The following WWOX variants were observed in gnomAD, a reference collection of about 807,000 sequenced individuals.
WWOX encodes WW domain-containing oxidoreductase.
Under a neutral mutation model 46.2 loss-of-function variants are expected in WWOX, and 69 were observed. The observed-to-expected ratio is 1.49, with a 90% CI of 1.23 to 1.82. The LOEUF (loss-of-function observed/expected upper bound fraction) is 1.82, where lower values mean the gene tolerates loss of function less well. Among genes scored for constraint, WWOX ranks in the 40% most tolerant of loss-of-function variants. The probability of loss-of-function intolerance (pLI) is 0.00; values close to 1 mark genes in which losing one functional copy is unlikely to be tolerated. For missense variants in WWOX, 919 were observed against 542.6 expected, an observed-to-expected ratio of 1.69 and a Z score of -6.89; for synonymous variants, 359 against 202.6, an observed-to-expected ratio of 1.77 and a Z score of -6.56.
At chr16:78,922,398 AG>A in intron 8 of WWOX, among the ~76,000 whole-genome samples, 1 of 124,886 alleles carries the variant, frequency 8.0e-6, no homozygotes, top group Admixed American at 8.5e-5. Flanking sequence ...TTTTTTTTTG[AG>A]ACAGTCTCTC....
rs545587947 is a variant in WWOX at position 78,197,834 on chromosome 16, C to G, written c.516+33545C>G. Among the ~76,000 whole-genome samples, 19 of 152,272 alleles carry G rather than the reference C, an allele frequency of 1.2e-4. 1 individual carries two copies. The South Asian group carries it at 2.7e-3, about 22-fold the overall frequency. Reference sequence around the variant, plus strand: ...CTTGCCCGAGGCCACGCTGCTGATACCTTGGCAGAAGCAGAATTTGAAAAC... The same window carrying G: ...CTTGCCCGAGGCCACGCTGCTGATAGCTTGGCAGAAGCAGAATTTGAAAAC... On this transcript the variant is annotated intron_variant, in intron 5 of 8. Coordinates refer to ENST00000566780, the MANE Select transcript of WWOX (RefSeq NM_016373.4).
At chr16:78,604,084 C>T (rs2045687681) in intron 8 of WWOX, among the ~76,000 whole-genome samples, 1 of 152,146 alleles carries the variant, frequency 6.6e-6, no homozygotes, top group African/African-American at 2.4e-5. Flanking sequence ...GTGGAGGCTG[C>T]AGTGAGCTGT....
At chr16:78,580,569 A>G (rs555642847) in intron 8 of WWOX, among the ~76,000 whole-genome samples, 1 of 152,354 alleles carries the variant, frequency 6.6e-6, no homozygotes, top group Non-Finnish European at 1.5e-5. Flanking sequence ...AGACACAGAA[A>G]GGATTTCTTT....
chr16:78,549,413 T>C (rs2044123898), intron 8 of WWOX, among the ~76,000 whole-genome samples: 1 of 152,224 alleles, frequency 6.6e-6, no homozygotes, highest in African/African-American at 2.4e-5. Flanking sequence ...TTTTATATTA[T>C]TCATGGTAAT....
At chr16:79,208,119 C>T (rs1254442073) in intron 8 of WWOX, among the ~76,000 whole-genome samples, 1 of 152,076 alleles carries the variant, frequency 6.6e-6, no homozygotes. Context: ...ACTCTTAATC[C>T]CAAACAAGAG....
intron 8 of WWOX, among the ~76,000 whole-genome samples, chr16:79,176,721 C>T (rs1026412431): frequency 6.6e-6 from 1 of 152,022 alleles, no homozygotes; most frequent in African/African-American, 2.4e-5. Flanking sequence ...ACACCGAGGG[C>T]TTTAAGGAGG....
intron 5 of WWOX, among the ~76,000 whole-genome samples, chr16:78,213,072 G>C (rs201307037): frequency 1.3e-5 from 2 of 151,850 alleles, no homozygotes; most frequent in Non-Finnish European, 2.9e-5. Context: ...GGCCAATATG[G>C]TGAAACTCCA....
intron 8 of WWOX, among the ~76,000 whole-genome samples, chr16:78,804,515 A>T (rs376565824): frequency 1.3e-5 from 2 of 152,316 alleles, no homozygotes; most frequent in African/African-American, 4.8e-5. Context: ...CGAAGCGCAT[A>T]TGTTCTGCGT....
At chr16:78,680,568 C>T (rs1402537860) in intron 8 of WWOX, among the ~76,000 whole-genome samples, 1 of 152,096 alleles carries the variant, frequency 6.6e-6, no homozygotes, top group Non-Finnish European at 1.5e-5. Context: ...CTGGGCTATC[C>T]AATACTTGAA....
At position 79,140,376 on chromosome 16, in the gene WWOX, C is replaced by T. The variant is rs115927839; in HGVS notation, c.1057-71232C>T. Among the ~76,000 whole-genome samples the T allele has an allele frequency of 5.3e-3, 810 of 152,230 alleles. 5 individuals carry two copies. Among genetic ancestry groups the T allele is most frequent in the African/African-American group, 0.018 (755 of 41,534 alleles). On this transcript the variant is annotated intron_variant, in intron 8 of 8. Coordinates refer to ENST00000566780, the MANE Select transcript of WWOX (RefSeq NM_016373.4). ...AGTTAGAATTGAATCGAACTTCCACCGCAGCATCCGCCAGCTCTTATAATC... is the reference window on the plus strand; with the variant it reads ...AGTTAGAATTGAATCGAACTTCCACTGCAGCATCCGCCAGCTCTTATAATC...
chr16:79,021,430 G>A (rs546709900), intron 8 of WWOX, among the ~76,000 whole-genome samples: 6 of 152,174 alleles, frequency 3.9e-5, no homozygotes, highest in South Asian at 4.1e-4. Flanking sequence ...TACATAAAAC[G>A]CACGGGATCA....
chr16:78,351,679 CAG>C (rs2081186812), intron 5 of WWOX, among the ~76,000 whole-genome samples: 1 of 152,108 alleles, frequency 6.6e-6, no homozygotes, highest in Admixed American at 6.6e-5. Flanking sequence ...GTTTTTGAGA[CAG>C]AGTCTCGGTC....
intron 8 of WWOX, among the ~76,000 whole-genome samples, chr16:78,500,285 C>G (rs747668581): frequency 7.2e-5 from 11 of 152,134 alleles, no homozygotes; most frequent in Non-Finnish European, 1.0e-4. Context: ...TGCTGTGGTT[C>G]CTAAGTCTCC....
intron 8 of WWOX, among the ~76,000 whole-genome samples, chr16:78,852,813 G>C (rs1439307690): frequency 2.0e-5 from 3 of 152,176 alleles, no homozygotes; most frequent in Non-Finnish European, 4.4e-5. Context: ...TGTTTCTTGA[G>C]GTTAAAAATG....
At chr16:79,074,595 TC>T (rs2048619429) in intron 8 of WWOX, among the ~76,000 whole-genome samples, 1 of 151,762 alleles carries the variant, frequency 6.6e-6, no homozygotes, top group African/African-American at 2.4e-5. Context: ...CTTAAGTATC[TC>T]CCTTTATAAG....
intron 4 of WWOX, among the ~76,000 whole-genome samples, chr16:78,122,393 A>C (rs918958813): frequency 1.3e-5 from 2 of 152,184 alleles, no homozygotes; most frequent in Non-Finnish European, 2.9e-5. Flanking sequence ...AGAGTCATAC[A>C]AACTATTGTT....
intron 8 of WWOX, among the ~76,000 whole-genome samples, chr16:78,979,530 T>G (rs1039285300): frequency 6.6e-6 from 1 of 152,176 alleles, no homozygotes; most frequent in Admixed American, 6.5e-5. Context: ...CCTCACTCCC[T>G]GGAATCAGCT....
chr16:79,085,494 C>G (rs1360664202), intron 8 of WWOX, among the ~76,000 whole-genome samples: 1 of 152,016 alleles, frequency 6.6e-6, no homozygotes, highest in Non-Finnish European at 1.5e-5. Context: ...GTTTTTTTCT[C>G]CTTTGCTCCT....
In WWOX at chr16:78,346,002, A is replaced by C. The variant is rs960085733; in HGVS notation, c.517-40858A>C. On this transcript the variant is annotated intron_variant, in intron 5 of 8. Coordinates refer to ENST00000566780, the MANE Select transcript of WWOX (RefSeq NM_016373.4). ...TTTACATCACCTCAAAAAGATTTCA[A>C]ATGCCACTTCTGTGGTGTATGACTC... Among the ~76,000 whole-genome samples, 11 of 121,680 alleles carry C rather than the reference A, an allele frequency of 9.0e-5. 2 individuals carry two copies. The highest frequency in any genetic ancestry group is 3.1e-4 in the African/African-American group (11 of 35,918). The allele number at this position is 121,680 out of a possible 152,430, so 79.8% of individuals were successfully genotyped here.
Sources: allele counts gnomAD v4.1 joint callset (sites outside exome capture counted in the v4.1 genomes callset), GRCh38; gene constraint gnomAD v4.1.1; transcripts MANE v1.5; gene names NCBI Gene and HGNC (gene_info 2026-07-23, HGNC 2026-07-21).